The following ITGA8 variants were observed in gnomAD, a reference collection of about 807,000 sequenced individuals.
ITGA8 encodes the protein integrin subunit alpha 8.
In ITGA8, 91 loss-of-function variants were observed where a neutral mutation model predicts 142.3. The observed-to-expected ratio is 0.64, with a 90% confidence interval of 0.54 to 0.76. The LOEUF (loss-of-function observed/expected upper bound fraction) is 0.76, where lower values mean the gene tolerates loss of function less well. Among genes scored for constraint, ITGA8 ranks in the 30% least tolerant of loss-of-function variants. The probability of loss-of-function intolerance (pLI) is 0.00; values close to 1 mark genes in which losing one functional copy is unlikely to be tolerated. For missense variants in ITGA8, 1,406 were observed against 1,327.7 expected, an observed-to-expected ratio of 1.06 and a Z score of -0.92; for synonymous variants, 505 against 485.2, an observed-to-expected ratio of 1.04 and a Z score of -0.54.
rs71374639 is a variant in ITGA8, at chr10:15,694,678, C to CATATATATATATATATATATATATAT, written c.344-6641_344-6640insATATATATATATATATATATATATAT. On this transcript the variant is annotated intron_variant, in intron 2 of 29. Coordinates refer to ENST00000378076, the MANE Select transcript of ITGA8 (RefSeq NM_003638.3). ...TATATATTATATCTATATTTGTCGA[C>CATATATATATATATATATATATATAT]ATATATATATATATATATATATATG... Among the ~76,000 whole-genome samples, 120 of 77,480 alleles carry CATATATATATATATATATATATATAT rather than the reference C, an allele frequency of 1.5e-3. 4 individuals carry two copies. The highest frequency in any genetic ancestry group is 2.0e-3 in the Non-Finnish European group (79 of 40,504). The allele number at this position is 77,480 out of a possible 152,430, so 50.8% of individuals were successfully genotyped here. A position where few individuals can be genotyped will look rare whatever the true frequency, so the allele number is the denominator to read the frequency against.
At chr10:15,699,330 T>C (rs1835115407) in intron 2 of ITGA8, among the ~76,000 whole-genome samples, 1 of 152,206 alleles carries the variant, frequency 6.6e-6, no homozygotes. Context: ...ATATTTTCTG[T>C]ACTTAGCAGT....
chr10:15,588,239 T>C (rs1162338130), intron 22 of ITGA8, among the ~76,000 whole-genome samples: 1 of 152,202 alleles, frequency 6.6e-6, no homozygotes, highest in Non-Finnish European at 1.5e-5. Context: ...GTTCCCATGA[T>C]GCTTTTGAAA....
intron 24 of ITGA8, among the ~76,000 whole-genome samples, chr10:15,574,955 G>C (rs1834256979): frequency 6.6e-6 from 1 of 152,088 alleles, no homozygotes; most frequent in Non-Finnish European, 1.5e-5. Context: ...ATAGTAACAA[G>C]ATAAAGTGTT....
chr10:15,629,241 C>T (rs866841054), intron 13 of ITGA8, among the ~76,000 whole-genome samples: 1 of 151,948 alleles, frequency 6.6e-6, no homozygotes, highest in Non-Finnish European at 1.5e-5. Flanking sequence ...GGTTCCTGAA[C>T]GAGATGAAAA....
At chr10:15,647,736 A>G (rs553508168) in intron 11 of ITGA8, among the ~76,000 whole-genome samples, 2 of 152,186 alleles carry the variant, frequency 1.3e-5, no homozygotes, top group East Asian at 1.9e-4. Context: ...TGCTGGGATT[A>G]CAGGCGTGAG....
At chr10:15,656,289 C>T (rs1834182958) in intron 10 of ITGA8, among the ~76,000 whole-genome samples, 1 of 152,112 alleles carries the variant, frequency 6.6e-6, no homozygotes, top group Non-Finnish European at 1.5e-5. Flanking sequence ...GTATCGTGCT[C>T]ATAGTCAACA....
chr10:15,554,229 C>T (rs1181077353), intron 26 of ITGA8, among the ~76,000 whole-genome samples: 3 of 152,074 alleles, frequency 2.0e-5, no homozygotes, highest in Non-Finnish European at 4.4e-5. Context: ...GCTTGCCACC[C>T]ATTTGTTTTC....
intron 13 of ITGA8, among the ~76,000 whole-genome samples, chr10:15,640,599 C>T (rs967583684): frequency 5.9e-5 from 9 of 152,226 alleles, no homozygotes; most frequent in African/African-American, 1.7e-4. Context: ...GGAAAGAGGG[C>T]TTTTGTTACT....
intron 2 of ITGA8, among the ~76,000 whole-genome samples, chr10:15,705,275 T>C (rs867754): frequency 0.17 from 26,089 of 152,204 alleles, 2,316 homozygotes; most frequent in South Asian, 0.22. Flanking sequence ...GAATTTCCTT[T>C]TGCTCCCAAC....
chr10:15,606,383 T>A lies in ITGA8; in HGVS notation c.1804A>T (p.Ile602Phe). The A allele has an allele frequency of 1.2e-6, 2 of 1,607,298 alleles. No homozygotes were observed. Among genetic ancestry groups the A allele is most frequent in the East Asian group, 4.5e-5 (2 of 44,716 alleles). The change falls in exon 18 of 30, where the codon ATT (isoleucine) becomes TTT (phenylalanine). Residue 602 changes from isoleucine (I) to phenylalanine (F), a missense_variant. Transcript: ENST00000378076. ...EFRDKLSPIN[I>F]SLNYSLDEST... ...TCGTCCAAACTGTAATTCAAACTAA[T>A]GTTGATTGGAGATAATTTATCTCGG...
At chr10:15,613,630 T>G (rs1467838872) in intron 15 of ITGA8, 30 bp downstream of exon 15, 1 of 1,390,088 alleles carries the variant, frequency 7.2e-7, no homozygotes, top group Non-Finnish European at 1.0e-6. Context: ...GAATTCACAT[T>G]GGAGTTTGAG....
chr10:15,539,833 A>G (rs1588632604), intron 27 of ITGA8, among the ~76,000 whole-genome samples: 1 of 152,056 alleles, frequency 6.6e-6, no homozygotes, highest in Non-Finnish European at 1.5e-5. Flanking sequence ...CCCCACCCAA[A>G]TCTCACCTTG....
chr10:15,671,934 G>A (rs1241256208), intron 7 of ITGA8, among the ~76,000 whole-genome samples: 1 of 150,706 alleles, frequency 6.6e-6, no homozygotes, highest in Non-Finnish European at 1.5e-5. Context: ...TTAAAAGCAT[G>A]GATACTTCAT....
At chr10:15,594,629 A>G (rs908903550) in intron 21 of ITGA8, among the ~76,000 whole-genome samples, 43 of 152,018 alleles carry the variant, frequency 2.8e-4, no homozygotes, top group African/African-American at 9.7e-4. Context: ...CTAAAATACA[A>G]AAACTAGCTG....
intron 11 of ITGA8, among the ~76,000 whole-genome samples, chr10:15,647,526 A>C (rs919945600): frequency 2.9e-5 from 4 of 139,802 alleles, no homozygotes; most frequent in African/African-American, 8.1e-5. Context: ...GCAGTGGCGC[A>C]ATCTCGGCTC....
intron 20 of ITGA8, among the ~76,000 whole-genome samples, chr10:15,602,458 G>A (rs12261673): frequency 0.038 from 5,761 of 152,072 alleles, 319 homozygotes; most frequent in African/African-American, 0.12. Flanking sequence ...CATAATTGGC[G>A]GGGCAAGGAT....
intron 5 of ITGA8, 75 bp from the exon 6 acceptor site, chr10:15,677,712 T>C (rs1376195408): frequency 1.8e-5 from 26 of 1,432,984 alleles, no homozygotes; most frequent in Non-Finnish European, 2.4e-5. Context: ...TGATAAATTG[T>C]TGTTAATAAG....
chr10:15,604,284 TC>T lies in ITGA8; in HGVS notation c.2041del (p.Glu681LysfsTer10), dbSNP rs1333215733. ...AAAGAGTTCAGCTTCATATGCTCCT[TC>T]CCCTTCATTTCTTGCATTTATTATG... ...MLIINARNEG[E>X]GAYEAELFVM... On this transcript the variant is annotated frameshift_variant, in exon 20 of 30. Coordinates refer to ENST00000378076, the MANE Select transcript of ITGA8 (RefSeq NM_003638.3). LOFTEE classifies it high-confidence loss of function. 1 of 1,612,590 alleles carries T rather than the reference TC, an allele frequency of 6.2e-7. No homozygotes were observed. Among genetic ancestry groups the T allele is most frequent in the African/African-American group, 1.3e-5 (1 of 74,972 alleles).
intron 2 of ITGA8, among the ~76,000 whole-genome samples, chr10:15,716,904 C>T (rs1460475888): frequency 1.3e-5 from 2 of 152,114 alleles, no homozygotes; most frequent in Non-Finnish European, 2.9e-5. Context: ...TCAAGTGATC[C>T]ACCTGCCTCG....
Sources: allele counts gnomAD v4.1 joint callset (sites outside exome capture counted in the v4.1 genomes callset), GRCh38; gene constraint gnomAD v4.1.1; transcripts MANE v1.5; gene names NCBI Gene and HGNC (gene_info 2026-07-23, HGNC 2026-07-21).